ATG4A: variants seen among roughly 807,000 people sequenced by gnomAD.
The protein encoded by ATG4A is autophagy related 4A cysteine peptidase, also known as cysteine protease ATG4A.
Under a neutral mutation model 38.4 loss-of-function variants are expected in ATG4A, and 22 were observed. The observed-to-expected ratio is 0.57, with a 90% confidence interval of 0.41 to 0.82. The LOEUF (loss-of-function observed/expected upper bound fraction) is 0.82, where lower values mean the gene tolerates loss of function less well. Among genes scored for constraint, ATG4A ranks in the 40% least tolerant of loss-of-function variants. The probability of loss-of-function intolerance (pLI) is 0.00; values close to 1 mark genes in which losing one functional copy is unlikely to be tolerated. For missense variants in ATG4A, 220 were observed against 290.0 expected (o/e 0.76, Z 1.75); for synonymous variants, 86 against 100.7 (o/e 0.85, Z 0.88).
intron 11 of ATG4A, among the ~76,000 whole-genome samples, 166 bp from the exon 12 acceptor site, chrX:108,152,813 G>T (rs1004780102): frequency 1.8e-5 from 2 of 111,426 alleles, no homozygotes; most frequent in African/African-American, 6.5e-5. Context: ...TAGAATTGAA[G>T]ATGGCTGAGT....
rs185915545 is a variant in ATG4A at position 108,144,918 on chromosome X, G to C, written c.815-5234G>C. On this transcript the variant is annotated intron_variant, in intron 9 of 12. Transcript: ENST00000372232. Reference sequence around the variant, plus strand: ...GCACTGCTCGAAGTTATGCCCACTGGAAAGATTTCCCTTCAATGGGTCAGA... The same window carrying C: ...GCACTGCTCGAAGTTATGCCCACTGCAAAGATTTCCCTTCAATGGGTCAGA... Among the ~76,000 whole-genome samples the C allele has an allele frequency of 4.5e-5, 5 of 112,240 alleles. No homozygotes were observed. In the Admixed American group the frequency reaches 4.7e-4, roughly 11 times the overall value.
chrX:108,091,504 G>C (rs1236999788), upstream of ATG4A: 1 of 1,211,213 alleles, frequency 8.3e-7, no homozygotes, highest in South Asian at 1.8e-5. Flanking sequence ...CATTAGGTTA[G>C]ACACACACCC....
intron 11 of ATG4A, among the ~76,000 whole-genome samples, chrX:108,152,379 G>A (rs532383750): frequency 1.8e-5 from 2 of 110,414 alleles, no homozygotes; most frequent in African/African-American, 6.6e-5. Flanking sequence ...GATTACAGGC[G>A]CCCACCACCA....
Position 108,092,340 on chromosome X carries a change from C to A in ATG4A, c.10+504C>A, listed in dbSNP as rs1208002655. Among the ~76,000 whole-genome samples the A allele has an allele frequency of 1.1e-4, 12 of 111,988 alleles. No homozygotes were observed. In the Admixed American group the frequency reaches 1.1e-3, roughly 11 times the overall value. ...CTGTGGTGTTGGCATTTTAATATCA[C>A]GATATTAACTATGTTGTCAAGGCTT... On this transcript the variant is annotated intron_variant, in intron 1 of 12. Transcript: ENST00000372232.
chrX:108,146,081 T>TG (rs986407154), intron 9 of ATG4A, among the ~76,000 whole-genome samples: 2 of 111,492 alleles, frequency 1.8e-5, no homozygotes, highest in African/African-American at 6.5e-5. Flanking sequence ...GAGGTCTCCT[T>TG]GGGGAAGGAT....
chrX:108,119,058 A>T (rs980591101), intron 1 of ATG4A, among the ~76,000 whole-genome samples: 1 of 112,174 alleles, frequency 8.9e-6, no homozygotes, highest in African/African-American at 3.2e-5. Context: ...AGAAGTTCAC[A>T]TACAGACTCT....
intron 11 of ATG4A, 75 bp from the exon 12 acceptor site, chrX:108,152,904 G>C: frequency 1.3e-6 from 1 of 777,556 alleles, no homozygotes; most frequent in Non-Finnish European, 2.0e-6. Flanking sequence ...ACTGTCTCAG[G>C]GTTTGGGGTC....
intron 1 of ATG4A, among the ~76,000 whole-genome samples, chrX:108,098,101 T>A (rs1289222226): frequency 8.9e-6 from 1 of 112,099 alleles, no homozygotes; most frequent in African/African-American, 3.2e-5. Flanking sequence ...CCTAATGCTA[T>A]CCCTCCCCCA....
upstream of ATG4A, among the ~76,000 whole-genome samples, chrX:108,090,784 T>G (rs2031588339): frequency 8.9e-6 from 1 of 112,588 alleles, no homozygotes; most frequent in Non-Finnish European, 1.9e-5. Context: ...TACCTCTGCT[T>G]AGAATGTCCA....
At chrX:108,126,402 G>A (rs2032799704) in intron 2 of ATG4A, among the ~76,000 whole-genome samples, 1 of 111,787 alleles carries the variant, frequency 8.9e-6, no homozygotes, top group African/African-American at 3.3e-5. Flanking sequence ...CTAGTAGTGT[G>A]TTTACATGGT....
chrX:108,138,478 G>A (rs1190556347), intron 9 of ATG4A, among the ~76,000 whole-genome samples: 1 of 112,407 alleles, frequency 8.9e-6, no homozygotes, highest in African/African-American at 3.2e-5. Flanking sequence ...GCTCCAGCAT[G>A]TCTCTCTCCT....
intron 9 of ATG4A, among the ~76,000 whole-genome samples, chrX:108,148,877 G>A (rs746548777): frequency 1.8e-5 from 2 of 112,007 alleles, no homozygotes; most frequent in South Asian, 7.5e-4. Context: ...TGCATTTGTA[G>A]GAAAATACTG....
chrX:108,148,517 T>TAC (rs368317060), intron 9 of ATG4A, among the ~76,000 whole-genome samples: 3,622 of 94,870 alleles, frequency 0.038, 135 homozygotes, highest in African/African-American at 0.11. Context: ...TCCATGCACA[T>TAC]ACACACACAC....
intron 2 of ATG4A, chrX:108,126,930 G>A (rs1300870210): frequency 2.7e-6 from 1 of 371,125 alleles, no homozygotes; most frequent in Non-Finnish European, 4.7e-6. Context: ...ACTTAGCGTG[G>A]AGGAAGGAAC....
intron 9 of ATG4A, among the ~76,000 whole-genome samples, chrX:108,145,349 T>G (rs1218898436): frequency 8.9e-6 from 1 of 112,664 alleles, no homozygotes; most frequent in Admixed American, 9.4e-5. Context: ...GATATATTGC[T>G]GGCCTTGCCG....
chrX:108,137,110 G>A lies in ATG4A; in HGVS notation c.487G>A (p.Glu163Lys), dbSNP rs1274331851. The A allele has an allele frequency of 1.3e-5, 16 of 1,206,516 alleles. No homozygotes were observed. The highest frequency in any genetic ancestry group is 2.3e-4 in the Middle Eastern group (1 of 4,330). ...QVLKKLALFD[E>K]WNSLAVYVSM... ...TTGCAGAAAACTTGCTTTATTTGAC[G>A]AATGGAATTCCTTGGCTGTTTATGT... The change falls in exon 7 of 13, where the codon GAA (glutamate) becomes AAA (lysine). Residue 163 changes from glutamate to lysine, a missense_variant. Transcript: ENST00000372232.
chrX:108,153,900 C>A lies in ATG4A; in HGVS notation c.*188C>A, dbSNP rs2148036480. The A allele has an allele frequency of 2.7e-6, 1 of 376,514 alleles. No homozygotes were observed. The highest frequency in any genetic ancestry group is 4.4e-5 in the East Asian group (1 of 22,684). 31.0% of individuals were successfully genotyped at this position (376,514 alleles called of 1,213,427 possible). On this transcript the variant is annotated 3_prime_UTR_variant, in exon 13 of 13. Coordinates refer to ENST00000372232, the MANE Select transcript of ATG4A (RefSeq NM_052936.5). ...AACAAAACAAAACAAATGACAGTAA[C>A]CCTTCCCCGGAAAGAAATAGAACAA...
intron 1 of ATG4A, among the ~76,000 whole-genome samples, chrX:108,110,372 GAA>G (rs371292583): frequency 1.8e-3 from 161 of 91,851 alleles, no homozygotes; most frequent in Admixed American, 2.8e-3. Context: ...CCTGTCTCAA[GAA>G]AAAAAAAAAA....
At chrX:108,111,808 T>G (rs1398483354) in intron 1 of ATG4A, among the ~76,000 whole-genome samples, 2 of 111,533 alleles carry the variant, frequency 1.8e-5, no homozygotes, top group Admixed American at 1.9e-4. Context: ...CTGAGTATAT[T>G]TTATTAATTC....
Sources: allele counts gnomAD v4.1 joint callset (sites outside exome capture counted in the v4.1 genomes callset), GRCh38; gene constraint gnomAD v4.1.1; transcripts MANE v1.5; gene names NCBI Gene and HGNC (gene_info 2026-07-23, HGNC 2026-07-21).